Variants in SRP68 observed in about 807,000 individuals in gnomAD.
The protein encoded by SRP68 is signal recognition particle 68.
A neutral mutation model predicts 82.2 loss-of-function variants in SRP68; 15 were observed. The observed-to-expected ratio is 0.18, with a 90% CI of 0.12 to 0.28. The LOEUF is 0.28. Among genes scored for constraint, SRP68 ranks in the 10% least tolerant of loss-of-function variants. SRP68 has a pLI of 1.00. For synonymous variants in SRP68, 261 were observed against 292.6 expected, an observed-to-expected ratio of 0.89 and a Z score of 1.10; for missense variants, 595 against 780.5, an observed-to-expected ratio of 0.76 and a Z score of 2.83.
At chr17:76,069,218 T>A (rs1271700163) in intron 2 of SRP68, among the ~76,000 whole-genome samples, 2 of 150,426 alleles carry the variant, frequency 1.3e-5, no homozygotes, top group Non-Finnish European at 3.0e-5. Context: ...TGAAACCCCA[T>A]CTCTACTAAA....
chr17:76,064,228 C>A, intron 3 of SRP68, 57 bp from the exon 4 acceptor site: 1 of 1,496,418 alleles, frequency 6.7e-7, no homozygotes, highest in Non-Finnish European at 9.2e-7. Context: ...CCCAGATATT[C>A]TCTGAGGTGT....
Position 76,062,729 on chromosome 17 carries a change from TTATATATA to T in SRP68, c.562-1163_562-1156del, listed in dbSNP as rs200522360. On this transcript the variant is annotated intron_variant, in intron 4 of 15. Coordinates refer to ENST00000307877, the MANE Select transcript of SRP68 (RefSeq NM_014230.4). ...TATTATACAATATATTATATTTATT[TTATATATA>T]TATATATATATATATATATATATAT... is the stretch of plus-strand genomic sequence containing the variant. Among the ~76,000 whole-genome samples, 126 of 14,506 alleles carry T rather than the reference TTATATATA, an allele frequency of 8.7e-3. 21 individuals are homozygous for T. Among genetic ancestry groups the T allele is most frequent in the African/African-American group, 0.027 (36 of 1,312 alleles). The allele number at this position is 14,506 out of a possible 152,430, so 9.5% of individuals were successfully genotyped here. A position where few individuals can be genotyped will look rare whatever the true frequency, so the allele number is the denominator to read the frequency against.
rs1032113845 is a variant in SRP68 at position 76,055,807 on chromosome 17, C to CTT, written c.978+1594_978+1595dup. On this transcript the variant is annotated intron_variant, in intron 8 of 15. Coordinates refer to ENST00000307877, the MANE Select transcript of SRP68 (RefSeq NM_014230.4). ...TTTAAGTTATTAACTTTTTTTTCTT[C>CTT]TTTTTTTTTTTTTTTTTTTGGAGAC... Among the ~76,000 whole-genome samples, 753 of 106,518 alleles carry CTT rather than the reference C, an allele frequency of 7.1e-3. 21 individuals are homozygous for CTT. Among genetic ancestry groups the CTT allele is most frequent in the East Asian group, 0.046 (172 of 3,718 alleles). 69.9% of individuals were successfully genotyped at this position (106,518 alleles called of 152,430 possible). A position where few individuals can be genotyped will look rare whatever the true frequency, so the allele number is the denominator to read the frequency against.
intron 9 of SRP68, 135 bp downstream of exon 9, chr17:76,050,293 C>A (rs2066661962): frequency 3.2e-6 from 2 of 620,048 alleles, no homozygotes; most frequent in Non-Finnish European, 5.8e-6. Flanking sequence ...CTTACGACCT[C>A]ACCTCAAAAA....
Position 76,072,069 on chromosome 17 carries a change from G to GAT in SRP68, c.184+237_184+238dup. 2 of 711,880 alleles carry GAT rather than the reference G, an allele frequency of 2.8e-6. No homozygotes were observed. The highest frequency in any genetic ancestry group is 4.4e-6 in the Non-Finnish European group (2 of 451,854). The allele number at this position is 711,880 out of a possible 1,614,324, so 44.1% of individuals were successfully genotyped here. ...GCGGGGCACCAGGGGAAACCTGCCTGATATCCCAGTGCCACTGGAAGAAAC... is the reference window on the plus strand; with the variant it reads ...GCGGGGCACCAGGGGAAACCTGCCTGATATATCCCAGTGCCACTGGAAGAAAC... On this transcript the variant is annotated intron_variant, in intron 1 of 15. Coordinates refer to ENST00000307877, the MANE Select transcript of SRP68 (RefSeq NM_014230.4). This position sits in a 1 kb window ranked among gnomAD's most constrained non-coding sequence, Gnocchi z 4.5.
Position 76,057,555 on chromosome 17 carries a change from T to A in SRP68, c.838-12A>T. On this transcript the variant is annotated splice_polypyrimidine_tract_variant and intron_variant, in intron 7 of 15. Coordinates refer to ENST00000307877, the MANE Select transcript of SRP68 (RefSeq NM_014230.4). ...TGAGTGATCAAAGCCTGAAAAATAG[T>A]TTAAAAAAGTTAAAGCTTTAACTGG... 13 of 1,613,854 alleles carry A rather than the reference T, an allele frequency of 8.1e-6. No homozygotes were observed. The highest frequency in any genetic ancestry group is 1.1e-5 in the Non-Finnish European group (13 of 1,179,842).
At chr17:76,068,456 A>T in intron 2 of SRP68, among the ~76,000 whole-genome samples, 2 of 143,302 alleles carry the variant, frequency 1.4e-5, no homozygotes, top group Admixed American at 7.0e-5. Context: ...ACTGTGTCTG[A>T]AAAAAAAAAA....
intron 2 of SRP68, 148 bp downstream of exon 2, chr17:76,070,230 A>AAAAC (rs899578912): frequency 2.3e-5 from 16 of 697,284 alleles, no homozygotes; most frequent in Non-Finnish European, 2.6e-5. Flanking sequence ...CTCAAAAAAA[A>AAAAC]AAAAAAAAAC....
Position 76,045,286 on chromosome 17 carries a change from C to T in SRP68, c.1394+6G>A, listed in dbSNP as rs368769350. ...GAGGAAAACTGCCCATCCCATGGGA[C>T]GTTACCTGTAAGCTTTGAACACCAG... is the stretch of plus-strand genomic sequence containing the variant. On this transcript the variant is annotated splice_donor_region_variant and intron_variant, in intron 12 of 15. Transcript: ENST00000307877. 140 of 1,611,664 alleles carry T rather than the reference C, an allele frequency of 8.7e-5. No homozygotes were observed. Among genetic ancestry groups the T allele is most frequent in the Non-Finnish European group, 1.1e-4 (129 of 1,178,078 alleles).
chr17:76,053,265 CAAA>C (rs34472995), intron 8 of SRP68, among the ~76,000 whole-genome samples: 12 of 82,520 alleles, frequency 1.5e-4, no homozygotes, highest in Admixed American at 2.4e-4. Context: ...GACCCTGTCT[CAAA>C]AAAAAAAAAA....
Position 76,063,947 on chromosome 17 carries a change from A to G in SRP68, c.561+29T>C, listed in dbSNP as rs554924491. 3.8e-6 allele frequency: 6 copies of G among 1,582,126 alleles called. No individual in the cohort carries two copies. In the South Asian group the frequency reaches 4.5e-5, roughly 12 times the overall value. On this transcript the variant is annotated intron_variant, in intron 4 of 15. Coordinates refer to ENST00000307877, the MANE Select transcript of SRP68 (RefSeq NM_014230.4). ...TTTTAAAATGTCTTTAATCTCCACA[A>G]TAAACAAGCTGAATGTTGAGGTACT...
chr17:76,057,580 G>A (rs568440356), intron 7 of SRP68, 37 bp from the exon 8 acceptor site: 6 of 1,609,152 alleles, frequency 3.7e-6, no homozygotes, highest in Admixed American at 1.7e-5. Flanking sequence ...GCTTTAACTG[G>A]GGATATGAGT....
intron 4 of SRP68, among the ~76,000 whole-genome samples, chr17:76,062,042 T>C (rs983375727): frequency 6.6e-6 from 1 of 151,832 alleles, no homozygotes; most frequent in Non-Finnish European, 1.5e-5. Context: ...ATCCCAACAC[T>C]GGGAGGCCGA....
chr17:76,068,651 C>G (rs2066825737), intron 2 of SRP68, among the ~76,000 whole-genome samples: 2 of 152,168 alleles, frequency 1.3e-5, no homozygotes, highest in Admixed American at 1.3e-4. Context: ...CACCTCTATG[C>G]CAAGCCTCCT....
At chr17:76,040,013 G>T in intron 15 of SRP68, 80 bp from the exon 16 acceptor site, 1 of 1,403,290 alleles carries the variant, frequency 7.1e-7, no homozygotes, top group Non-Finnish European at 9.9e-7. Flanking sequence ...CCGACTGCCT[G>T]GTTCAGAGCT....
intron 9 of SRP68, chr17:76,048,370 G>A (rs1363682362): frequency 6.5e-6 from 1 of 153,348 alleles, no homozygotes; most frequent in Non-Finnish European, 1.5e-5. Flanking sequence ...ACATACGCCA[G>A]AGCTGTCTAT....
chr17:76,045,801 G>A (rs781479931), intron 11 of SRP68, among the ~76,000 whole-genome samples: 3 of 152,150 alleles, frequency 2.0e-5, no homozygotes, highest in Non-Finnish European at 1.5e-5. Context: ...ACCTGGGAGC[G>A]TCTTACACAG....
intron 12 of SRP68, chr17:76,044,701 T>G (rs777121335): frequency 6.6e-6 from 1 of 152,394 alleles, no homozygotes; most frequent in Non-Finnish European, 1.5e-5. Flanking sequence ...GTGCCCCTTT[T>G]CCCCTGGAAG....
At chr17:76,062,580 TTATATAATATATAATATAC>T (rs2066764552) in intron 4 of SRP68, among the ~76,000 whole-genome samples, 1 of 100,496 alleles carries the variant, frequency 1.0e-5, no homozygotes, top group South Asian at 2.4e-4. Flanking sequence ...ATAATATACA[TTATATAATATATAATATAC>T]ATTATATATT....
Sources: gnomAD v4.1 joint callset for allele counts (sites outside exome capture counted in the v4.1 genomes callset) on GRCh38, gnomAD v4.1.1 for gene constraint, Gnocchi (gnomAD v3.1) non-coding constraint, MANE v1.5 for transcripts, NCBI Gene and HGNC (gene_info 2026-07-23, HGNC 2026-07-21) for gene names.